COL6A2: variants seen among roughly 807,000 people sequenced by gnomAD.
COL6A2 encodes collagen type VI alpha 2 chain, also known as collagen alpha-2(VI) chain.
In COL6A2, 90 loss-of-function variants were observed where a neutral mutation model predicts 124.9. The ratio of observed to expected loss-of-function variants is 0.72; its 90% CI spans 0.61 to 0.86. The LOEUF is 0.86. Among genes scored for constraint, COL6A2 ranks in the 40% least tolerant of loss-of-function variants. The pLI is 0.00. For missense variants in COL6A2, 1,607 were observed against 1,502.5 expected (o/e 1.07, Z -1.15); for synonymous variants, 793 against 618.2 (o/e 1.28, Z -4.19).
Position 46,124,924 on chromosome 21 carries a change from G to A in COL6A2, c.1770+4G>A, listed in dbSNP as rs9981981. ...CCCTGGAGACCCCGGTCTCACGGTA[G>A]GTGTCACATGGGGCAGAACCAGTGT... On this transcript the variant is annotated splice_donor_region_variant and intron_variant, in intron 23 of 27. Transcript: ENST00000300527. 83,972 of 1,612,788 alleles carry A rather than the reference G, an allele frequency of 0.052. 5,672 individuals are homozygous for A. The highest frequency in any genetic ancestry group is 0.4 in the East Asian group (18,016 of 44,854).
At chr21:46,129,490 A>G (rs1378470632) in intron 27 of COL6A2, 8 of 1,573,120 alleles carry the variant, frequency 5.1e-6, no homozygotes, top group South Asian at 1.2e-5. Flanking sequence ...GCCCTCTGCT[A>G]AAGCCCGGGC....
In COL6A2 at chr21:46,126,002, C is replaced by T; in HGVS notation, c.2187C>T (p.Val729=). The T allele has an allele frequency of 1.2e-6, 2 of 1,612,946 alleles. No homozygotes were observed. Among genetic ancestry groups the T allele is most frequent in the East Asian group, 2.2e-5 (1 of 44,854 alleles). ...AGAAGACACGTGTGTTTGCGGTGGT[C>T]ATCACGGACGGGCGCCACGACCCTC... is the stretch of plus-strand genomic sequence containing the variant. ...RRQKTRVFAV[V]ITDGRHDPRD... Residue 729 remains valine (V), a synonymous_variant, in exon 26 of 28, where the codon GTC becomes GTT. Coordinates refer to ENST00000300527, the MANE Select transcript of COL6A2 (RefSeq NM_001849.4).
intron 27 of COL6A2, among the ~76,000 whole-genome samples, chr21:46,130,106 C>T (rs1223202445): frequency 8.5e-5 from 13 of 152,188 alleles, no homozygotes; most frequent in African/African-American, 2.4e-5. Context: ...GGTTGGGCAG[C>T]AGATAGTCCT....
Position 46,126,166 on chromosome 21 carries a change from G to T in COL6A2, c.2351G>T (p.Arg784Leu). The T allele has an allele frequency of 1.2e-6, 2 of 1,608,918 alleles. No homozygotes were observed. Among genetic ancestry groups the T allele is most frequent in the Non-Finnish European group, 1.7e-6 (2 of 1,179,996 alleles). Reference protein sequence around the residue: ...SIACDKPQQVRNMTLFSDLVA... With the variant: ...SIACDKPQQVLNMTLFSDLVA... ...GCCTGCGACAAGCCACAGCAGGTGC[G>T]CAACATGACGCTGTTCTCCGACCTG... The change falls in exon 26 of 28, where the codon CGC (arginine) becomes CTC (leucine). Residue 784 changes from arginine to leucine, a missense_variant. By Grantham distance (102) the Arg-to-Leu change is moderately radical. Transcript: ENST00000300527.
At position 46,112,092 on chromosome 21, in the gene COL6A2, T is replaced by G; in HGVS notation, c.229T>G (p.Phe77Val). ...CCACATGAAGCAGTTCGTGCCGCAG[T>G]TCATCAGCCAGCTGCAGAACGAGTT... ...LFHMKQFVPQ[F>V]ISQLQNEFYL... is the part of the protein sequence containing the mutation. Residue 77 changes from phenylalanine (F) to valine (V), a missense_variant, in exon 3 of 28, where the codon TTC becomes GTC. By Grantham distance (50) the Phe-to-Val change is conservative. Transcript: ENST00000300527. 6.2e-7 allele frequency: 1 copy of G among 1,613,154 alleles called. No individual in the cohort carries two copies. The highest frequency in any genetic ancestry group is 8.5e-7 in the Non-Finnish European group (1 of 1,180,008).
chr21:46,121,505 C>T (rs1223257325), intron 17 of COL6A2, 51 bp from the exon 18 acceptor site: 2 of 1,574,364 alleles, frequency 1.3e-6, no homozygotes, highest in Admixed American at 3.3e-5. Flanking sequence ...GACCCCTGGG[C>T]ATGGCCAGTC....
At chr21:46,100,279 G>A (rs1173188182) in intron 1 of COL6A2, among the ~76,000 whole-genome samples, 2 of 151,914 alleles carry the variant, frequency 1.3e-5, no homozygotes, top group African/African-American at 2.4e-5. Flanking sequence ...TTTAAGAGAC[G>A]GGGTCTCACT....
At chr21:46,126,295 A>T (rs565883086) in intron 26 of COL6A2, 58 bp downstream of exon 26, 8 of 1,578,304 alleles carry the variant, frequency 5.1e-6, no homozygotes, top group Non-Finnish European at 6.9e-6. Flanking sequence ...GCCGCTGTCT[A>T]GCGTGAGCCC....
Position 46,114,742 on chromosome 21 carries a change from G to A in COL6A2, c.801+669G>A, listed in dbSNP as rs183615638. 2.0e-5 allele frequency among the ~76,000 whole-genome samples: 3 copies of A among 152,212 alleles called. No homozygotes were observed. In the East Asian group the frequency reaches 5.8e-4, roughly 29 times the overall value. The stretch of plus-strand genomic sequence containing the variant: ...GGTTTGAATGTCCCCTGCATTTTCT[G>A]GTTTGAACATCCCCTGCATTTTCCT... On this transcript the variant is annotated intron_variant, in intron 5 of 27. Coordinates refer to ENST00000300527, the MANE Select transcript of COL6A2 (RefSeq NM_001849.4).
At chr21:46,118,571 C>A in intron 12 of COL6A2, 43 bp from the exon 13 acceptor site, 1 of 1,604,146 alleles carries the variant, frequency 6.2e-7, no homozygotes, top group South Asian at 1.1e-5. Flanking sequence ...CACCCCCCTT[C>A]CCCTGCCAAA....
intron 19 of COL6A2, 82 bp from the exon 20 acceptor site, chr21:46,122,414 G>T: frequency 5.7e-6 from 9 of 1,566,820 alleles, no homozygotes; most frequent in Non-Finnish European, 7.0e-6. Flanking sequence ...GGAGGGAAAC[G>T]GGGCTGCAGA....
intron 11 of COL6A2, 94 bp from the exon 12 acceptor site, chr21:46,117,780 G>A (rs545344381): frequency 2.6e-5 from 34 of 1,313,890 alleles, no homozygotes; most frequent in African/African-American, 1.6e-4. Flanking sequence ...TGGGAGGTGC[G>A]TCCCGGGCTG....
chr21:46,100,093 TTTTGTTTG>T lies in COL6A2; in HGVS notation c.-28+1932_-28+1939del, dbSNP rs372761367. 2.9e-3 allele frequency among the ~76,000 whole-genome samples: 444 copies of T among 151,958 alleles called. 3 individuals are homozygous for T. The highest frequency in any genetic ancestry group is 9.3e-3 in the African/African-American group (387 of 41,448). The stretch of plus-strand genomic sequence containing the variant: ...GTTCGCTTTTTGGGTTTTTTTGGTT[TTTTGTTTG>T]TTTGTTTGTTTTTTGAGACAGGGTC... On this transcript the variant is annotated intron_variant, in intron 1 of 27. Coordinates refer to ENST00000300527, the MANE Select transcript of COL6A2 (RefSeq NM_001849.4).
At position 46,126,042 on chromosome 21, in the gene COL6A2, A is replaced by T; in HGVS notation, c.2227A>T (p.Asn743Tyr). 1.9e-6 allele frequency: 3 copies of T among 1,613,022 alleles called. No individual in the cohort carries two copies. In the South Asian group the frequency reaches 3.3e-5, roughly 18 times the overall value. ...GRHDPRDDDLNLRALCDRDVT... is the reference protein window; with the variant it reads ...GRHDPRDDDLYLRALCDRDVT... Reference sequence around the variant, plus strand: ...CCACGACCCTCGGGACGATGACCTCAACTTGCGGGCGCTGTGCGACCGCGA... The same window carrying T: ...CCACGACCCTCGGGACGATGACCTCTACTTGCGGGCGCTGTGCGACCGCGA... Residue 743 changes from asparagine to tyrosine, a missense_variant, in exon 26 of 28, where the codon AAC (asparagine) becomes TAC (tyrosine). By Grantham distance (143) the Asn-to-Tyr change is moderately radical. Transcript: ENST00000300527.
intron 1 of COL6A2, among the ~76,000 whole-genome samples, chr21:46,106,794 G>A (rs1458374596): frequency 6.6e-6 from 1 of 152,156 alleles, no homozygotes; most frequent in Non-Finnish European, 1.5e-5. Context: ...AACCAAAACT[G>A]TAATTTTATC....
chr21:46,126,476 T>TGGCCCGGCCAGGCCCGGCCC, intron 26 of COL6A2, 27 bp from the exon 27 acceptor site: 1 of 1,611,510 alleles, frequency 6.2e-7, no homozygotes, highest in Non-Finnish European at 8.5e-7. Flanking sequence ...GACCCTGGCC[T>TGGCCCGGCCAGGCCCGGCCC]GGCCCGGCCT....
intron 27 of COL6A2, among the ~76,000 whole-genome samples, chr21:46,127,222 G>A (rs995392865): frequency 1.3e-5 from 2 of 152,266 alleles, no homozygotes; most frequent in East Asian, 1.9e-4. Flanking sequence ...GTGAGGGTAG[G>A]GATGCCATGG....
chr21:46,132,102 C>T lies in COL6A2; in HGVS notation c.2610C>T (p.Asp870=), dbSNP rs116817879. The T allele has an allele frequency of 5.0e-4, 791 of 1,593,442 alleles. 7 individuals carry two copies. The African/African-American group carries it at 9.2e-3, about 19-fold the overall frequency. ...ARRLTLARRD[D]DPLNARVALL... is the part of the protein sequence containing the mutation. ...GGCTGACGCTGGCCCGGAGGGACGA[C>T]GACCCTCTCAACGCACGCGTGGCGC... The change falls in exon 28 of 28, where the codon GAC becomes GAT. Residue 870 remains aspartate (D), a synonymous_variant. Coordinates refer to ENST00000300527, the MANE Select transcript of COL6A2 (RefSeq NM_001849.4).
rs768836349 is a variant in COL6A2 at position 46,116,796 on chromosome 21, C to T, written c.981C>T (p.Asn327=). The T allele has an allele frequency of 1.4e-4, 231 of 1,612,834 alleles. 2 individuals carry two copies. In the Admixed American group the frequency reaches 1.6e-3, roughly 11 times the overall value. ...RKGAPGLAGK[N]GTDGQKGKLG... ...GGGCCCCTGGCCTGGCTGGCAAGAA[C>T]GGGACCGATGGACAGAAGGTAGAGG... The change falls in exon 10 of 28, where the codon AAC becomes AAT. Residue 327 remains asparagine, a synonymous_variant. Coordinates refer to ENST00000300527, the MANE Select transcript of COL6A2 (RefSeq NM_001849.4). This position sits in a 1 kb window ranked among gnomAD's most constrained non-coding sequence, Gnocchi z 4.6.
Sources: allele counts gnomAD v4.1 joint callset (sites outside exome capture counted in the v4.1 genomes callset), GRCh38; gene constraint gnomAD v4.1.1; non-coding constraint Gnocchi (gnomAD v3.1); transcripts MANE v1.5; gene names NCBI Gene and HGNC (gene_info 2026-07-23, HGNC 2026-07-21).